Variants in PUS10 observed in about 807,000 individuals in gnomAD.
PUS10 encodes the protein pseudouridine synthase 10.
In PUS10, 59 loss-of-function variants were observed where a neutral mutation model predicts 75.0. The ratio of observed to expected loss-of-function variants is 0.79; its 90% CI spans 0.64 to 0.98. The LOEUF is 0.98. Ranked by LOEUF, PUS10 falls within the 50% of genes least tolerant of loss-of-function variation. PUS10 has a pLI of 0.00. For missense variants in PUS10, 650 were observed against 614.4 expected (o/e 1.06, Z -0.61); for synonymous variants, 219 against 211.6 (o/e 1.03, Z -0.30).
chr2:60,953,244 T>C (rs1478289684), intron 14 of PUS10, 130 bp from the exon 15 acceptor site: 2 of 636,544 alleles, frequency 3.1e-6, no homozygotes, highest in Admixed American at 5.0e-5. Flanking sequence ...TTCAATGATT[T>C]TTAGTATGTT....
chr2:60,988,017 A>C (rs1256698452), intron 4 of PUS10, among the ~76,000 whole-genome samples: 1 of 152,014 alleles, frequency 6.6e-6, no homozygotes, highest in Non-Finnish European at 1.5e-5. Context: ...TGAACCTGGG[A>C]GGAGGAGGGT....
intron 4 of PUS10, among the ~76,000 whole-genome samples, chr2:60,991,787 A>C (rs1678098340): frequency 6.6e-6 from 1 of 152,228 alleles, no homozygotes; most frequent in Non-Finnish European, 1.5e-5. Context: ...AATTCTGTTT[A>C]ACAATGTACT....
At chr2:60,961,716 T>A (rs182996866) in intron 9 of PUS10, among the ~76,000 whole-genome samples, 168 bp from the exon 10 acceptor site, 1 of 152,228 alleles carries the variant, frequency 6.6e-6, no homozygotes, top group Non-Finnish European at 1.5e-5. Context: ...AATTTTAACA[T>A]ATGAGAGTGG....
chr2:60,965,362 C>A (rs373106655), intron 7 of PUS10, 61 bp downstream of exon 7: 4 of 1,312,996 alleles, frequency 3.0e-6, no homozygotes, highest in Non-Finnish European at 4.4e-6. Flanking sequence ...ATACTATTTT[C>A]ATGAAAACCA....
chr2:61,003,230 G>A (rs1334018437), intron 4 of PUS10, among the ~76,000 whole-genome samples: 1 of 152,154 alleles, frequency 6.6e-6, no homozygotes, highest in African/African-American at 2.4e-5. Flanking sequence ...GGGAGGCCGA[G>A]GCGGGCAGAT....
At chr2:61,007,999 C>T (rs1679346238) in intron 3 of PUS10, among the ~76,000 whole-genome samples, 1 of 151,978 alleles carries the variant, frequency 6.6e-6, no homozygotes, top group South Asian at 2.1e-4. Context: ...ATGGCATGAA[C>T]CTGGGAGGCG....
At chr2:60,991,428 G>C (rs6710562) in intron 4 of PUS10, among the ~76,000 whole-genome samples, 9,560 of 152,180 alleles carry the variant, frequency 0.063, 1,023 homozygotes, top group African/African-American at 0.22. Flanking sequence ...AGTATTCCAA[G>C]GTCTTTGCAT....
chr2:61,000,852 A>C (rs1678805888), intron 4 of PUS10, among the ~76,000 whole-genome samples: 1 of 152,188 alleles, frequency 6.6e-6, no homozygotes, highest in Non-Finnish European at 1.5e-5. Flanking sequence ...CACCAAAAAA[A>C]TTTGCAATCT....
At chr2:60,958,613 G>A (rs1165687068) in intron 11 of PUS10, among the ~76,000 whole-genome samples, 2 of 152,212 alleles carry the variant, frequency 1.3e-5, no homozygotes, top group Non-Finnish European at 2.9e-5. Flanking sequence ...GCTGAGTGTG[G>A]TGGTTCACGC....
chr2:61,010,783 C>T (rs754296164), intron 2 of PUS10: 3 of 1,550,082 alleles, frequency 1.9e-6, no homozygotes, highest in Admixed American at 3.9e-5. Flanking sequence ...AGTTCCAAAT[C>T]CTAGGTTTTG....
intron 4 of PUS10, among the ~76,000 whole-genome samples, chr2:60,985,777 G>A (rs1677682301): frequency 6.6e-6 from 1 of 152,092 alleles, no homozygotes; most frequent in African/African-American, 2.4e-5. Context: ...TGGGACTACA[G>A]AGGTGTTAGC....
At chr2:60,960,562 A>T (rs1226531117) in intron 10 of PUS10, 45 bp from the exon 11 acceptor site, 6 of 1,522,132 alleles carry the variant, frequency 3.9e-6, no homozygotes, top group Non-Finnish European at 5.3e-6. Context: ...TGGAGTAATT[A>T]ACATGGTAGG....
intron 1 of PUS10, among the ~76,000 whole-genome samples, chr2:61,013,041 G>C (rs1679729548): frequency 6.6e-6 from 1 of 150,772 alleles, no homozygotes; most frequent in Non-Finnish European, 1.5e-5. Context: ...CTTGAGGCCA[G>C]GAGTTTGAGA....
chr2:60,968,540 A>G (rs534862776), intron 5 of PUS10, among the ~76,000 whole-genome samples: 9 of 152,298 alleles, frequency 5.9e-5, no homozygotes, highest in Admixed American at 2.0e-4. Flanking sequence ...ATTGTAATTT[A>G]AGACCAAAAG....
intron 16 of PUS10, among the ~76,000 whole-genome samples, chr2:60,945,993 T>C (rs766319100): frequency 7.9e-5 from 12 of 152,232 alleles, no homozygotes; most frequent in Non-Finnish European, 1.5e-4. Context: ...ATGCTGATAT[T>C]ATGTCCTCAC....
At chr2:60,970,039 C>T (rs573814031) in intron 5 of PUS10, among the ~76,000 whole-genome samples, 9 of 152,056 alleles carry the variant, frequency 5.9e-5, no homozygotes, top group African/African-American at 2.2e-4. Flanking sequence ...TTGCAATTAG[C>T]CGAGATTGCA....
chr2:60,970,913 C>T (rs1005978266), intron 5 of PUS10, among the ~76,000 whole-genome samples: 7 of 152,134 alleles, frequency 4.6e-5, no homozygotes, highest in Non-Finnish European at 1.0e-4. Flanking sequence ...CATGCTGTGG[C>T]TCGTGCCTGT....
rs1486089321 is a variant in PUS10, at chr2:60,948,043, G to A, written c.1451C>T (p.Thr484Ile). 1.3e-5 allele frequency: 21 copies of A among 1,613,942 alleles called. No homozygotes were observed. The highest frequency in any genetic ancestry group is 1.6e-5 in the Non-Finnish European group (19 of 1,180,006). The change falls in exon 16 of 18, where the codon ACC (threonine) becomes ATC (isoleucine). Residue 484 changes from threonine (T) to isoleucine (I), a missense_variant and splice_region_variant. Physicochemically the swap from Thr to Ile is moderately conservative, Grantham distance 89. Transcript: ENST00000316752. ...FRLHLKTQAG[T>I]YIKEFVHGDF... ...GGCAGTGCAGCAGGTGGAAGGATAC[G>A]TGCCAGCCTGAGTTTTCAAGTGGAG...
At chr2:60,984,392 T>C (rs1476072589) in intron 4 of PUS10, among the ~76,000 whole-genome samples, 1 of 152,234 alleles carries the variant, frequency 6.6e-6, no homozygotes, top group Non-Finnish European at 1.5e-5. Context: ...AGAAAACTTT[T>C]GCATATAGGT....
Sources: allele counts gnomAD v4.1 joint callset (sites outside exome capture counted in the v4.1 genomes callset), GRCh38; gene constraint gnomAD v4.1.1; transcripts MANE v1.5; gene names NCBI Gene and HGNC (gene_info 2026-07-23, HGNC 2026-07-21).